The following FJX1 variants were observed in gnomAD, a reference collection of about 807,000 sequenced individuals.
FJX1 encodes four-jointed box kinase 1.
FJX1 carries 21 observed loss-of-function variants against 28.7 expected under a neutral mutation model. The observed-to-expected ratio is 0.73, with a 90% CI of 0.52 to 1.05. FJX1 has a LOEUF of 1.05. Ranked by LOEUF, FJX1 falls within the 50% of genes least tolerant of loss-of-function variation. FJX1 has a pLI of 0.00. For synonymous variants in FJX1, 363 were observed against 310.0 expected, an observed-to-expected ratio of 1.17 and a Z score of -1.80; for missense variants, 683 against 647.2, an observed-to-expected ratio of 1.06 and a Z score of -0.60.
At position 35,619,494 on chromosome 11, in the gene FJX1, A is replaced by G. The variant is rs748578909; in HGVS notation, c.858A>G (p.Leu286=). The G allele has an allele frequency of 6.3e-7, 1 of 1,599,500 alleles. No individual in the cohort carries two copies. The highest frequency in any genetic ancestry group is 8.5e-7 in the Non-Finnish European group (1 of 1,179,740). ...ANLSQAELVD[L]VQWTDLILFD... ...TCAGCCAGGCGGAGCTGGTGGACCT[A>G]GTACAATGGACCGACTTAATCCTTT... is the stretch of plus-strand genomic sequence containing the variant. Residue 286 remains leucine (L), a synonymous_variant, in exon 1 of 1, where the codon CTA becomes CTG. Transcript: ENST00000317811. The surrounding 1 kb of genome is among the most constrained non-coding windows in gnomAD (Gnocchi z 7.6).
rs763004503 is a variant in FJX1 at position 35,619,552 on chromosome 11, G to T, written c.916G>T (p.Val306Leu). 7 of 1,601,736 alleles carry T rather than the reference G, an allele frequency of 4.4e-6. No homozygotes were observed. Among genetic ancestry groups the T allele is most frequent in the Non-Finnish European group, 5.9e-6 (7 of 1,179,744 alleles). ...CCTGACGGCCAACTTCGACCGGCTC[G>T]TAAGCAACCTCTTCAGCCTGCAGTG... ...DYLTANFDRL[V>L]SNLFSLQWDP... The change falls in exon 1 of 1, where the codon GTA becomes TTA. Residue 306 changes from valine to leucine, a missense_variant. By Grantham distance (32) the Val-to-Leu change is conservative. Coordinates refer to ENST00000317811, the MANE Select transcript of FJX1 (RefSeq NM_014344.4). The surrounding 1 kb of genome is among the most constrained non-coding windows in gnomAD (Gnocchi z 7.6).
At position 35,619,693 on chromosome 11, in the gene FJX1, T is replaced by C; in HGVS notation, c.1057T>C (p.Trp353Arg). The C allele has an allele frequency of 6.2e-7, 1 of 1,603,638 alleles. No homozygotes were observed. The highest frequency in any genetic ancestry group is 8.5e-7 in the Non-Finnish European group (1 of 1,176,742). ...GCACGGCTACCGGGTAGCAGGCATG[T>C]GGGACAAGTATAACGAGCCGCTGTT... ...LVHGYRVAGM[W>R]DKYNEPLLQS... The change falls in exon 1 of 1, where the codon TGG becomes CGG. Residue 353 changes from tryptophan (W) to arginine (R), a missense_variant. Trp to Arg is a moderately radical substitution (Grantham distance 101). Coordinates refer to ENST00000317811, the MANE Select transcript of FJX1 (RefSeq NM_014344.4). The surrounding 1 kb of genome is among the most constrained non-coding windows in gnomAD (Gnocchi z 7.6).
rs368400572 is a variant in FJX1 at position 35,619,988 on chromosome 11, G to A, written c.*38G>A. 229 of 1,562,562 alleles carry A rather than the reference G, an allele frequency of 1.5e-4. 1 individual carries two copies. In the African/African-American group the frequency reaches 2.9e-3, roughly 20 times the overall value. On this transcript the variant is annotated 3_prime_UTR_variant, in exon 1 of 1. Transcript: ENST00000317811. This position sits in a 1 kb window ranked among gnomAD's most constrained non-coding sequence, Gnocchi z 7.6. ...GAAAAGAGAGAGATCTGGGGCTGGG[G>A]TATGGATGATGGGGGGAAGGGCGGT...
Position 35,619,658 on chromosome 11 carries a change from C to T in FJX1, c.1022C>T (p.Ala341Val), listed in dbSNP as rs757786737. 5 of 1,610,866 alleles carry T rather than the reference C, an allele frequency of 3.1e-6. No individual in the cohort carries two copies. The South Asian group carries it at 4.4e-5, about 14-fold the overall frequency. ...GGALVFLDNEAGLVHGYRVAG... is the reference protein window; with the variant it reads ...GGALVFLDNEVGLVHGYRVAG... Reference sequence around the variant, plus strand: ...GCGCTGGTCTTTCTGGACAATGAGGCGGGCTTGGTGCACGGCTACCGGGTA... The same window carrying T: ...GCGCTGGTCTTTCTGGACAATGAGGTGGGCTTGGTGCACGGCTACCGGGTA... Residue 341 changes from alanine to valine, a missense_variant, in exon 1 of 1, where the codon GCG (alanine) becomes GTG (valine). Transcript: ENST00000317811. The surrounding 1 kb of genome is among the most constrained non-coding windows in gnomAD (Gnocchi z 7.6).
Position 35,618,987 on chromosome 11 carries a change from G to A in FJX1, c.351G>A (p.Ala117=). 6.8e-7 allele frequency: 1 copy of A among 1,471,890 alleles called. No individual in the cohort carries two copies. The highest frequency in any genetic ancestry group is 8.9e-7 in the Non-Finnish European group (1 of 1,120,736). 91.2% of individuals were successfully genotyped at this position (1,471,890 alleles called of 1,614,324 possible). A position where few individuals can be genotyped will look rare whatever the true frequency, so the allele number is the denominator to read the frequency against. Residue 117 remains alanine (A), a synonymous_variant, in exon 1 of 1, where the codon GCG becomes GCA. Transcript: ENST00000317811. The surrounding 1 kb of genome is among the most constrained non-coding windows in gnomAD (Gnocchi z 4.2). ...AGCCCCGGCCGGAGGAGAGCGCCGC[G>A]GTGCACGGGGGCGTCTTCTGGAGCC... The part of the protein sequence containing the change: ...ARQPRPEESA[A]VHGGVFWSRG...
At position 35,619,171 on chromosome 11, in the gene FJX1, G is replaced by C. The variant is rs771139559; in HGVS notation, c.535G>C (p.Val179Leu). 1.9e-6 allele frequency: 3 copies of C among 1,577,848 alleles called. No individual in the cohort carries two copies. Among genetic ancestry groups the C allele is most frequent in the Non-Finnish European group, 2.6e-6 (3 of 1,172,242 alleles). Residue 179 changes from valine (V) to leucine (L), a missense_variant, in exon 1 of 1, where the codon GTG becomes CTG. By Grantham distance (32) the Val-to-Leu change is conservative. Coordinates refer to ENST00000317811, the MANE Select transcript of FJX1 (RefSeq NM_014344.4). The surrounding 1 kb of genome is among the most constrained non-coding windows in gnomAD (Gnocchi z 7.6). Reference protein sequence around the residue: ...ARFADGTRACVRYGINPEQIQ... With the variant: ...ARFADGTRACLRYGINPEQIQ... ...TTTTGCCGACGGCACCCGCGCCTGC[G>C]TGCGCTACGGCATCAACCCGGAGCA...
rs1850881549 is a variant in FJX1, at chr11:35,620,031, G to A, written c.*81G>A. On this transcript the variant is annotated 3_prime_UTR_variant, in exon 1 of 1. Coordinates refer to ENST00000317811, the MANE Select transcript of FJX1 (RefSeq NM_014344.4). ...AGGGCGGTCGCCTCTGCCACTGTCA[G>A]GGACCAGCCGGCCAACGCCCACCCG... The A allele has an allele frequency of 1.3e-6, 2 of 1,527,308 alleles. No individual in the cohort carries two copies. Among genetic ancestry groups the A allele is most frequent in the Middle Eastern group, 2.3e-4 (1 of 4,360 alleles). 94.6% of individuals were successfully genotyped at this position (1,527,308 alleles called of 1,614,324 possible).
chr11:35,619,206 C>G lies in FJX1; in HGVS notation c.570C>G (p.Gly190=). The G allele has an allele frequency of 6.3e-7, 1 of 1,588,532 alleles. No homozygotes were observed. ...GCATCAACCCGGAGCAGATTCAGGG[C>G]GAGGCCCTGTCTTACTATCTGGCGC... ...RYGINPEQIQ[G]EALSYYLARL... is the part of the protein sequence containing the mutation. The change falls in exon 1 of 1, where the codon GGC becomes GGG. Residue 190 remains glycine, a synonymous_variant. Transcript: ENST00000317811. This position sits in a 1 kb window ranked among gnomAD's most constrained non-coding sequence, Gnocchi z 7.6.
chr11:35,618,745 C>A lies in FJX1; in HGVS notation c.109C>A (p.Pro37Thr). 1 of 1,258,260 alleles carries A rather than the reference C, an allele frequency of 7.9e-7. No individual in the cohort carries two copies. The highest frequency in any genetic ancestry group is 1.0e-6 in the Non-Finnish European group (1 of 987,642). The allele number at this position is 1,258,260 out of a possible 1,614,324, so 77.9% of individuals were successfully genotyped here. A position where few individuals can be genotyped will look rare whatever the true frequency, so the allele number is the denominator to read the frequency against. ...GGLLPPRTEL[P>T]ASRPPEDRLP... ...GCTCCTGCCGCCGCGGACCGAGCTG[C>A]CCGCCTCCCGGCCGCCCGAAGACCG... The change falls in exon 1 of 1, where the codon CCC becomes ACC. Residue 37 changes from proline (P) to threonine (T), a missense_variant. Coordinates refer to ENST00000317811, the MANE Select transcript of FJX1 (RefSeq NM_014344.4). The surrounding 1 kb of genome is among the most constrained non-coding windows in gnomAD (Gnocchi z 4.2).
Position 35,618,585 on chromosome 11 carries a change from T to G in FJX1, c.-52T>G, listed in dbSNP as rs1850850171. The G allele has an allele frequency of 6.4e-6, 7 of 1,085,464 alleles. No homozygotes were observed. In the South Asian group the frequency reaches 3.1e-4, roughly 47 times the overall value. The allele number at this position is 1,085,464 out of a possible 1,614,324, so 67.2% of individuals were successfully genotyped here. A position where few individuals can be genotyped will look rare whatever the true frequency, so the allele number is the denominator to read the frequency against. On this transcript the variant is annotated 5_prime_UTR_variant, in exon 1 of 1. Transcript: ENST00000317811. The surrounding 1 kb of genome is among the most constrained non-coding windows in gnomAD (Gnocchi z 4.2). ...GCCCGCCTCGCCGCCGGGACCCGGG[T>G]GCCTGGGCTCGGCTTGAAGCGGCGG...
chr11:35,618,661 G>GCCGCCA lies in FJX1; in HGVS notation c.30_35dup (p.Thr11_Ala12dup). The GCCGCCA allele has an allele frequency of 8.4e-7, 1 of 1,196,468 alleles. No individual in the cohort carries two copies. The highest frequency in any genetic ancestry group is 1.0e-6 in the Non-Finnish European group (1 of 959,344). 74.1% of individuals were successfully genotyped at this position (1,196,468 alleles called of 1,614,324 possible). A position where few individuals can be genotyped will look rare whatever the true frequency, so the allele number is the denominator to read the frequency against. Reference sequence around the variant, plus strand: ...CATGGGCAGGAGGATGCGGGGCGCCGCCGCCACCGCGGGGCTCTGGCTGCT... The same window carrying GCCGCCA: ...CATGGGCAGGAGGATGCGGGGCGCCGCCGCCACCGCCACCGCGGGGCTCTGGCTGCT... On this transcript the variant is annotated inframe_insertion, in exon 1 of 1. Coordinates refer to ENST00000317811, the MANE Select transcript of FJX1 (RefSeq NM_014344.4). The surrounding 1 kb of genome is among the most constrained non-coding windows in gnomAD (Gnocchi z 4.2).
rs1447089842 is a variant in FJX1, at chr11:35,619,788, C to G, written c.1152C>G (p.Ala384=). The G allele has an allele frequency of 3.2e-6, 5 of 1,549,770 alleles. No individual in the cohort carries two copies. Among genetic ancestry groups the G allele is most frequent in the Non-Finnish European group, 4.4e-6 (5 of 1,147,352 alleles). ...TGGAGCTGCACCGCGGACAGGACGCCGCGGCCCGGCTGCTGCGCCTCTACC... is the reference window on the plus strand; with the variant it reads ...TGGAGCTGCACCGCGGACAGGACGCGGCGGCCCGGCTGCTGCGCCTCTACC... ...RVLELHRGQD[A]AARLLRLYRR... The change falls in exon 1 of 1, where the codon GCC becomes GCG. Residue 384 remains alanine (A), a synonymous_variant. Coordinates refer to ENST00000317811, the MANE Select transcript of FJX1 (RefSeq NM_014344.4). The surrounding 1 kb of genome is among the most constrained non-coding windows in gnomAD (Gnocchi z 7.6).
At position 35,618,690 on chromosome 11, in the gene FJX1, G is replaced by A. The variant is rs751884231; in HGVS notation, c.54G>A (p.Ala18=). ...CCACCGCGGGGCTCTGGCTGCTGGC[G>A]CTGGGCTCGCTGCTGGCGCTGTGGG... ...AAATAGLWLL[A]LGSLLALWGG... is the part of the protein sequence containing the mutation. Residue 18 remains alanine, a synonymous_variant, in exon 1 of 1, where the codon GCG becomes GCA. Coordinates refer to ENST00000317811, the MANE Select transcript of FJX1 (RefSeq NM_014344.4). The surrounding 1 kb of genome is among the most constrained non-coding windows in gnomAD (Gnocchi z 4.2). 1.6e-6 allele frequency: 2 copies of A among 1,247,730 alleles called. No homozygotes were observed. The highest frequency in any genetic ancestry group is 2.2e-5 in the South Asian group (1 of 45,328). 77.3% of individuals were successfully genotyped at this position (1,247,730 alleles called of 1,614,324 possible).
In FJX1 at chr11:35,619,680, G is replaced by A; in HGVS notation, c.1044G>A (p.Arg348=). The A allele has an allele frequency of 6.2e-7, 1 of 1,608,498 alleles. No homozygotes were observed. The highest frequency in any genetic ancestry group is 8.5e-7 in the Non-Finnish European group (1 of 1,178,678). Residue 348 remains arginine, a synonymous_variant, in exon 1 of 1, where the codon CGG becomes CGA. Coordinates refer to ENST00000317811, the MANE Select transcript of FJX1 (RefSeq NM_014344.4). This position sits in a 1 kb window ranked among gnomAD's most constrained non-coding sequence, Gnocchi z 7.6. ...AGGCGGGCTTGGTGCACGGCTACCGGGTAGCAGGCATGTGGGACAAGTATA... is the reference window on the plus strand; with the variant it reads ...AGGCGGGCTTGGTGCACGGCTACCGAGTAGCAGGCATGTGGGACAAGTATA... The part of the protein sequence containing the change: ...DNEAGLVHGY[R]VAGMWDKYNE...
In FJX1 at chr11:35,618,571, C is replaced by T. The variant is rs1276884054; in HGVS notation, c.-66C>T. The T allele has an allele frequency of 3.7e-6, 4 of 1,084,570 alleles. No individual in the cohort carries two copies. Among genetic ancestry groups the T allele is most frequent in the Non-Finnish European group, 3.4e-6 (3 of 895,388 alleles). 67.2% of individuals were successfully genotyped at this position (1,084,570 alleles called of 1,614,324 possible). A position where few individuals can be genotyped will look rare whatever the true frequency, so the allele number is the denominator to read the frequency against. ...CCACAAACTGCCGGGCCCGCCTCGC[C>T]GCCGGGACCCGGGTGCCTGGGCTCG... On this transcript the variant is annotated 5_prime_UTR_variant, in exon 1 of 1. Coordinates refer to ENST00000317811, the MANE Select transcript of FJX1 (RefSeq NM_014344.4). The surrounding 1 kb of genome is among the most constrained non-coding windows in gnomAD (Gnocchi z 4.2).
rs778698666 is a variant in FJX1, at chr11:35,618,914, C to G, written c.278C>G (p.Pro93Arg). The G allele has an allele frequency of 7.1e-7, 1 of 1,408,976 alleles. No homozygotes were observed. The highest frequency in any genetic ancestry group is 9.2e-7 in the Non-Finnish European group (1 of 1,086,804). The allele number at this position is 1,408,976 out of a possible 1,614,324, so 87.3% of individuals were successfully genotyped here. A position where few individuals can be genotyped will look rare whatever the true frequency, so the allele number is the denominator to read the frequency against. Reference sequence around the variant, plus strand: ...ACCCTGGCGGCCGGCGCGGACGGCCCGCCCCGGCAGTCCCGGAGCGAGCCC... The same window carrying G: ...ACCCTGGCGGCCGGCGCGGACGGCCGGCCCCGGCAGTCCCGGAGCGAGCCC... ...LLTLAAGADGPPRQSRSEPRW... is the reference protein window; with the variant it reads ...LLTLAAGADGRPRQSRSEPRW... The change falls in exon 1 of 1, where the codon CCG becomes CGG. Residue 93 changes from proline (P) to arginine (R), a missense_variant. Pro to Arg is a moderately radical substitution (Grantham distance 103, BLOSUM62 -2). Transcript: ENST00000317811. This position sits in a 1 kb window ranked among gnomAD's most constrained non-coding sequence, Gnocchi z 4.2.
rs1850883600 is a variant in FJX1, at chr11:35,620,204, T to A, written c.*254T>A. 4 of 594,484 alleles carry A rather than the reference T, an allele frequency of 6.7e-6. No individual in the cohort carries two copies. Among genetic ancestry groups the A allele is most frequent in the Non-Finnish European group, 8.8e-6 (3 of 342,602 alleles). 36.8% of individuals were successfully genotyped at this position (594,484 alleles called of 1,614,324 possible). On this transcript the variant is annotated 3_prime_UTR_variant, in exon 1 of 1. Coordinates refer to ENST00000317811, the MANE Select transcript of FJX1 (RefSeq NM_014344.4). ...CCCAGCTTATAAAAGGATTCTTTACTGTGCCAGCACGGGGATTGGATCCGA... is the reference window on the plus strand; with the variant it reads ...CCCAGCTTATAAAAGGATTCTTTACAGTGCCAGCACGGGGATTGGATCCGA...
At position 35,619,660 on chromosome 11, in the gene FJX1, G is replaced by T. The variant is rs745335153; in HGVS notation, c.1024G>T (p.Gly342Cys). The change falls in exon 1 of 1, where the codon GGC becomes TGC. Residue 342 changes from glycine (G) to cysteine (C), a missense_variant. Coordinates refer to ENST00000317811, the MANE Select transcript of FJX1 (RefSeq NM_014344.4). This position sits in a 1 kb window ranked among gnomAD's most constrained non-coding sequence, Gnocchi z 7.6. ...GALVFLDNEA[G>C]LVHGYRVAGM... ...GCTGGTCTTTCTGGACAATGAGGCG[G>T]GCTTGGTGCACGGCTACCGGGTAGC... 10 of 1,610,922 alleles carry T rather than the reference G, an allele frequency of 6.2e-6. No individual in the cohort carries two copies. In the Admixed American group the frequency reaches 1.7e-4, roughly 27 times the overall value.
chr11:35,620,045 A>G lies in FJX1; in HGVS notation c.*95A>G. 6.6e-7 allele frequency: 1 copy of G among 1,512,322 alleles called. No homozygotes were observed. Among genetic ancestry groups the G allele is most frequent in the Non-Finnish European group, 8.9e-7 (1 of 1,129,536 alleles). 93.7% of individuals were successfully genotyped at this position (1,512,322 alleles called of 1,614,324 possible). A position where few individuals can be genotyped will look rare whatever the true frequency, so the allele number is the denominator to read the frequency against. ...TGCCACTGTCAGGGACCAGCCGGCC[A>G]ACGCCCACCCGCAAAGGTGTCTAAA... On this transcript the variant is annotated 3_prime_UTR_variant, in exon 1 of 1. Coordinates refer to ENST00000317811, the MANE Select transcript of FJX1 (RefSeq NM_014344.4).
Sources: gnomAD v4.1 joint callset for allele counts on GRCh38, gnomAD v4.1.1 for gene constraint, Gnocchi (gnomAD v3.1) non-coding constraint, MANE v1.5 for transcripts, NCBI Gene and HGNC (gene_info 2026-07-23, HGNC 2026-07-21) for gene names.